ADCY3: variants seen among roughly 807,000 people sequenced by gnomAD.
ADCY3 encodes the protein adenylate cyclase 3.
ADCY3 carries 70 observed loss-of-function variants against 119.4 expected under a neutral mutation model. The observed-to-expected ratio is 0.59, with a 90% CI of 0.48 to 0.72. The LOEUF is 0.72. ADCY3 is among the 30% of genes least tolerant of loss of function. The pLI is 0.00. For missense variants in ADCY3, 1,238 were observed against 1,541.6 expected, an observed-to-expected ratio of 0.80 and a Z score of 3.30; for synonymous variants, 672 against 621.4, an observed-to-expected ratio of 1.08 and a Z score of -1.21.
At position 24,838,595 on chromosome 2, in the gene ADCY3, C is replaced by T. The variant is rs370381628; in HGVS notation, c.1383G>A (p.Met461Ile). The T allele has an allele frequency of 3.1e-6, 5 of 1,613,992 alleles. No individual in the cohort carries two copies. The highest frequency in any genetic ancestry group is 1.7e-5 in the Admixed American group (1 of 60,002). ...CATCAAACTCCCCTTTCAGGCAGTC[C>T]ATGGTGCTCTGGGAGATGTGCACGC... Reference protein sequence around the residue: ...PGRVHISQSTMDCLKGEFDVE... With the variant: ...PGRVHISQSTIDCLKGEFDVE... Residue 461 changes from methionine (M) to isoleucine (I), a missense_variant, in exon 8 of 22, where the codon ATG (methionine) becomes ATA (isoleucine). Physicochemically the swap from Met to Ile is conservative, Grantham distance 10. Transcript: ENST00000679454.
In ADCY3 at chr2:24,827,917, C is replaced by T. The variant is rs185180064; in HGVS notation, c.2417G>A (p.Arg806His). 56 of 1,614,148 alleles carry T rather than the reference C, an allele frequency of 3.5e-5. No homozygotes were observed. In the Admixed American group the frequency reaches 5.7e-4, roughly 16 times the overall value. The change falls in exon 14 of 22, where the codon CGT becomes CAT. Residue 806 changes from arginine (R) to histidine (H), a missense_variant. Physicochemically the swap from Arg to His is conservative, Grantham distance 29. Coordinates refer to ENST00000679454, the MANE Select transcript of ADCY3 (RefSeq NM_004036.5). ...RPVFDEYDHKRFREHDLPMVA... is the reference protein window; with the variant it reads ...RPVFDEYDHKHFREHDLPMVA... ...TTCATCTTACTCGTGCTCCCGAAAACGCTTGTGGTCGTATTCATCAAAGAC... is the reference window on the plus strand; with the variant it reads ...TTCATCTTACTCGTGCTCCCGAAAATGCTTGTGGTCGTATTCATCAAAGAC...
chr2:24,876,242 A>C (rs1391447911), intron 2 of ADCY3, among the ~76,000 whole-genome samples: 1 of 152,206 alleles, frequency 6.6e-6, no homozygotes, highest in Non-Finnish European at 1.5e-5. Context: ...CTCCTGCCTC[A>C]GTTGCCCAAA....
chr2:24,900,751 A>G (rs1678810876), intron 2 of ADCY3, among the ~76,000 whole-genome samples: 1 of 152,204 alleles, frequency 6.6e-6, no homozygotes, highest in Admixed American at 6.5e-5. Flanking sequence ...AACAAGAAGT[A>G]GACATGCATT....
At chr2:24,836,792 G>A in intron 9 of ADCY3, 125 bp downstream of exon 9, 1 of 1,397,022 alleles carries the variant, frequency 7.2e-7, no homozygotes, top group Non-Finnish European at 9.5e-7. Flanking sequence ...GTGCTAAGCA[G>A]GAGCAGGTCC....
At chr2:24,888,751 G>A (rs1337540413) in intron 2 of ADCY3, among the ~76,000 whole-genome samples, 2 of 152,232 alleles carry the variant, frequency 1.3e-5, no homozygotes, top group African/African-American at 4.8e-5. Context: ...GCTCAGGCCT[G>A]TAATCCCAGT....
chr2:24,869,455 G>T (rs1476750762), intron 3 of ADCY3, among the ~76,000 whole-genome samples: 2 of 151,866 alleles, frequency 1.3e-5, no homozygotes, highest in African/African-American at 4.8e-5. Flanking sequence ...GCCCAAGCTG[G>T]AGTGCAGTGG....
rs576480118 is a variant in ADCY3 at position 24,865,619 on chromosome 2, A to T, written c.825+6951T>A. On this transcript the variant is annotated intron_variant, in intron 3 of 21. Coordinates refer to ENST00000679454, the MANE Select transcript of ADCY3 (RefSeq NM_004036.5). ...TGGATGGGGGCTGGATGGCTAGGGGAAATGAAGGTGGGATGACTTACTTTT... is the reference window on the plus strand; with the variant it reads ...TGGATGGGGGCTGGATGGCTAGGGGTAATGAAGGTGGGATGACTTACTTTT... 5.3e-5 allele frequency among the ~76,000 whole-genome samples: 8 copies of T among 151,884 alleles called. No individual in the cohort carries two copies. The South Asian group carries it at 1.5e-3, about 28-fold the overall frequency.
intron 2 of ADCY3, among the ~76,000 whole-genome samples, chr2:24,909,210 C>T (rs1663281500): frequency 6.6e-6 from 1 of 152,170 alleles, no homozygotes; most frequent in African/African-American, 2.4e-5. Context: ...CATGGTGCCA[C>T]GCCTGGACTC....
At chr2:24,859,444 G>C (rs1448046615) in intron 3 of ADCY3, among the ~76,000 whole-genome samples, 2 of 152,208 alleles carry the variant, frequency 1.3e-5, no homozygotes, top group Non-Finnish European at 2.9e-5. Context: ...CAGGCCAAGA[G>C]GCAACTGGCC....
intron 2 of ADCY3, among the ~76,000 whole-genome samples, chr2:24,879,177 A>G (rs1411185519): frequency 6.6e-6 from 1 of 152,164 alleles, no homozygotes; most frequent in East Asian, 1.9e-4. Context: ...TGTTCCAGTA[A>G]GACTGAAAGA....
intron 2 of ADCY3, among the ~76,000 whole-genome samples, chr2:24,882,521 A>G (rs1191055492): frequency 6.6e-6 from 1 of 152,214 alleles, no homozygotes; most frequent in Non-Finnish European, 1.5e-5. Context: ...TGCTCACAGC[A>G]TTTCCTGTCT....
In ADCY3 at chr2:24,919,083, G is replaced by A; in HGVS notation, c.-96C>T. 7.7e-7 allele frequency: 1 copy of A among 1,305,344 alleles called. No homozygotes were observed. Among genetic ancestry groups the A allele is most frequent in the East Asian group, 2.5e-5 (1 of 39,456 alleles). 80.9% of individuals were successfully genotyped at this position (1,305,344 alleles called of 1,614,324 possible). ...CCTCTCAGGGCTCTCTGAGACCGGG[G>A]GAGGGCTGAGGGCCTCTTCTTGTCT... On this transcript the variant is annotated 5_prime_UTR_variant, in exon 2 of 22. Coordinates refer to ENST00000679454, the MANE Select transcript of ADCY3 (RefSeq NM_004036.5). The surrounding 1 kb of genome is among the most constrained non-coding windows in gnomAD (Gnocchi z 5.5).
Position 24,872,753 on chromosome 2 carries a change from G to C in ADCY3, c.676-34C>G. 1 of 1,601,222 alleles carries C rather than the reference G, an allele frequency of 6.2e-7. No homozygotes were observed. Among genetic ancestry groups the C allele is most frequent in the Non-Finnish European group, 8.5e-7 (1 of 1,170,674 alleles). The stretch of plus-strand genomic sequence containing the variant: ...CAAGGAAGAAGAGAGAAAAGGCCAG[G>C]GGTGAAGGCACGTCTTCAGAAAAGG... On this transcript the variant is annotated intron_variant, in intron 2 of 21. Transcript: ENST00000679454. This position sits in a 1 kb window ranked among gnomAD's most constrained non-coding sequence, Gnocchi z 4.4.
At chr2:24,892,502 C>G (rs552642160) in intron 2 of ADCY3, among the ~76,000 whole-genome samples, 1 of 152,178 alleles carries the variant, frequency 6.6e-6, no homozygotes, top group Non-Finnish European at 1.5e-5. Flanking sequence ...CCACCCGCCT[C>G]GGCCTCCCAA....
chr2:24,833,009 T>C (rs952863688), intron 11 of ADCY3, among the ~76,000 whole-genome samples: 2 of 152,184 alleles, frequency 1.3e-5, no homozygotes, highest in African/African-American at 4.8e-5. Flanking sequence ...GTCTCCAAAA[T>C]ACATTCAGCA....
chr2:24,893,174 C>T (rs1677893285), intron 2 of ADCY3, among the ~76,000 whole-genome samples: 1 of 151,844 alleles, frequency 6.6e-6, no homozygotes, highest in Non-Finnish European at 1.5e-5. Flanking sequence ...GCTAAGACTA[C>T]CAGCGCATAC....
intron 6 of ADCY3, chr2:24,840,459 G>A (rs1236015615): frequency 2.5e-6 from 1 of 405,862 alleles, no homozygotes; most frequent in African/African-American, 2.1e-5. Context: ...AGAGTTCCTG[G>A]ACTACCACCC....
chr2:24,896,458 C>A (rs1035615876), intron 2 of ADCY3, among the ~76,000 whole-genome samples: 1 of 151,740 alleles, frequency 6.6e-6, no homozygotes, highest in Non-Finnish European at 1.5e-5. Context: ...AGGTCTATTT[C>A]TATTGACCAC....
Position 24,842,114 on chromosome 2 carries a change from A to G in ADCY3, c.956+140T>C. On this transcript the variant is annotated intron_variant, in intron 4 of 21. Coordinates refer to ENST00000679454, the MANE Select transcript of ADCY3 (RefSeq NM_004036.5). This position sits in a 1 kb window ranked among gnomAD's most constrained non-coding sequence, Gnocchi z 4.9. ...ACATCTGCTGGCAGCTTCCTCCGCCAGGCTGATGAATGCTGTGGGAGGCCT... is the reference window on the plus strand; with the variant it reads ...ACATCTGCTGGCAGCTTCCTCCGCCGGGCTGATGAATGCTGTGGGAGGCCT... 8.0e-7 allele frequency: 1 copy of G among 1,251,262 alleles called. No individual in the cohort carries two copies. The highest frequency in any genetic ancestry group is 1.1e-6 in the Non-Finnish European group (1 of 905,444). 77.5% of individuals were successfully genotyped at this position (1,251,262 alleles called of 1,614,324 possible). A position where few individuals can be genotyped will look rare whatever the true frequency, so the allele number is the denominator to read the frequency against.
Sources: gnomAD v4.1 joint callset for allele counts (sites outside exome capture counted in the v4.1 genomes callset) on GRCh38, gnomAD v4.1.1 for gene constraint, Gnocchi (gnomAD v3.1) non-coding constraint, MANE v1.5 for transcripts, NCBI Gene and HGNC (gene_info 2026-07-23, HGNC 2026-07-21) for gene names.